EEPD1: variants seen among roughly 807,000 people sequenced by gnomAD.
EEPD1 encodes endonuclease/exonuclease/phosphatase family domain containing 1.
EEPD1 carries 17 observed loss-of-function variants against 46.3 expected under a neutral mutation model. That is an observed-to-expected ratio of 0.37 (90% CI 0.25 to 0.55). The LOEUF is 0.55. Ranked by LOEUF, EEPD1 falls within the 20% of genes least tolerant of loss-of-function variation. The pLI, the probability that EEPD1 is intolerant of heterozygous loss-of-function variation, is 0.83. For synonymous variants in EEPD1, 313 were observed against 315.6 expected (o/e 0.99, Z 0.09); for missense variants, 673 against 745.6 (o/e 0.90, Z 1.13).
chr7:36,204,628 G>A (rs1358746100), intron 2 of EEPD1, among the ~76,000 whole-genome samples: 2 of 152,128 alleles, frequency 1.3e-5, no homozygotes, highest in Non-Finnish European at 1.5e-5. Context: ...GACAGATGAG[G>A]AGGATCCCAG....
At chr7:36,157,369 A>G (rs1784842347) in intron 2 of EEPD1, among the ~76,000 whole-genome samples, 1 of 152,206 alleles carries the variant, frequency 6.6e-6, no homozygotes, top group South Asian at 2.1e-4. Flanking sequence ...AGGGTAGAGA[A>G]TAGGAGAGTG....
At chr7:36,291,654 C>T (rs1360132974) in intron 6 of EEPD1, among the ~76,000 whole-genome samples, 3 of 152,182 alleles carry the variant, frequency 2.0e-5, no homozygotes, top group Non-Finnish European at 2.9e-5. Context: ...GCACATGCGC[C>T]CTCTGGTGGT....
intron 3 of EEPD1, 30 bp downstream of exon 3, chr7:36,239,066 A>G (rs1583827485): frequency 6.2e-7 from 1 of 1,608,590 alleles, no homozygotes. Flanking sequence ...TTCCACATTC[A>G]CAAACCAAGA....
chr7:36,275,018 A>G (rs2115858170), intron 3 of EEPD1, among the ~76,000 whole-genome samples: 1 of 152,334 alleles, frequency 6.6e-6, no homozygotes, highest in Middle Eastern at 3.4e-3. Context: ...TCATCCACCA[A>G]AATAGATTGC....
intron 2 of EEPD1, among the ~76,000 whole-genome samples, chr7:36,177,221 A>G (rs1785196418): frequency 1.4e-5 from 2 of 143,010 alleles, no homozygotes; most frequent in South Asian, 2.4e-4. Context: ...TGTGCTTTAA[A>G]TGACATCTTA....
chr7:36,253,918 C>T (rs560725792), intron 3 of EEPD1, among the ~76,000 whole-genome samples: 4 of 152,096 alleles, frequency 2.6e-5, no homozygotes, highest in Non-Finnish European at 5.9e-5. Context: ...TTAGTCCATT[C>T]ACATTTAATG....
At position 36,182,403 on chromosome 7, in the gene EEPD1, G is replaced by A. The variant is rs73686968; in HGVS notation, c.878+27201G>A. ...ATGGTGGGGGCACGGGGAGGGCTGG[G>A]ACAGTGTGGGAACCGGATTTCTCAG... On this transcript the variant is annotated intron_variant, in intron 2 of 7. Coordinates refer to ENST00000242108, the MANE Select transcript of EEPD1 (RefSeq NM_030636.3). Among the ~76,000 whole-genome samples, 308 of 152,346 alleles carry A rather than the reference G, an allele frequency of 2.0e-3. 2 individuals carry two copies. Among genetic ancestry groups the A allele is most frequent in the African/African-American group, 7.0e-3 (293 of 41,574 alleles).
chr7:36,221,067 C>G (rs1399889649), intron 2 of EEPD1, among the ~76,000 whole-genome samples: 2 of 152,190 alleles, frequency 1.3e-5, no homozygotes, highest in East Asian at 3.9e-4. Flanking sequence ...CCTCAGCGTC[C>G]CAAAGTGTTT....
chr7:36,234,401 G>A (rs747186402), intron 2 of EEPD1, among the ~76,000 whole-genome samples: 11 of 152,166 alleles, frequency 7.2e-5, no homozygotes, highest in Non-Finnish European at 1.5e-4. Context: ...ACCAGATGTG[G>A]TGGCTCACAC....
chr7:36,167,439 C>T (rs1304074912), intron 2 of EEPD1, among the ~76,000 whole-genome samples: 3 of 152,142 alleles, frequency 2.0e-5, no homozygotes, highest in Non-Finnish European at 4.4e-5. Flanking sequence ...AGGGGAATGG[C>T]TTTCTTGTCG....
At position 36,153,287 on chromosome 7, in the gene EEPD1, CCGTGCGGCT is replaced by C. The variant is rs902351723; in HGVS notation, c.-579_-571del. ...CTTTGACACCGACTGCGAGCGGGAG[CCGTGCGGCT>C]GGTGCTGGGTCTGGACTGGCTCTGG... On this transcript the variant is annotated 5_prime_UTR_variant, in exon 1 of 8. Transcript: ENST00000242108. The C allele has an allele frequency of 1.3e-5, 2 of 152,426 alleles. No homozygotes were observed. Among genetic ancestry groups the C allele is most frequent in the African/African-American group, 4.8e-5 (2 of 41,434 alleles). 9.4% of individuals were successfully genotyped at this position (152,426 alleles called of 1,614,324 possible).
intron 2 of EEPD1, among the ~76,000 whole-genome samples, chr7:36,172,620 T>G (rs1034114863): frequency 1.3e-3 from 88 of 67,856 alleles, no homozygotes; most frequent in African/African-American, 5.2e-3. Context: ...ATTATGAGTT[T>G]TTTTTTTTTT....
chr7:36,199,866 G>A (rs1028068275), intron 2 of EEPD1, among the ~76,000 whole-genome samples: 5 of 152,138 alleles, frequency 3.3e-5, no homozygotes, highest in East Asian at 1.9e-4. Context: ...ATGGACTGTC[G>A]TGAGCTCCCC....
chr7:36,197,647 G>A (rs562812921), intron 2 of EEPD1, among the ~76,000 whole-genome samples: 1 of 152,236 alleles, frequency 6.6e-6, no homozygotes, highest in Admixed American at 6.5e-5. Flanking sequence ...CATGTGCTGT[G>A]TCCACTCAGG....
intron 2 of EEPD1, among the ~76,000 whole-genome samples, chr7:36,172,776 T>C (rs2115632910): frequency 6.7e-6 from 1 of 149,602 alleles, no homozygotes; most frequent in East Asian, 2.0e-4. Context: ...AGTCAGTGTT[T>C]CTGTGAGTTG....
At chr7:36,244,873 A>T (rs1302518204) in intron 3 of EEPD1, among the ~76,000 whole-genome samples, 1 of 146,724 alleles carries the variant, frequency 6.8e-6, no homozygotes, top group Non-Finnish European at 1.5e-5. Context: ...CCTGAGTTCG[A>T]GCAATTCTCC....
At chr7:36,156,298 C>T (rs1158411154) in intron 2 of EEPD1, among the ~76,000 whole-genome samples, 1 of 152,168 alleles carries the variant, frequency 6.6e-6, no homozygotes, top group Non-Finnish European at 1.5e-5. Flanking sequence ...TTCCTTGGCA[C>T]TGACCCAGTG....
intron 2 of EEPD1, among the ~76,000 whole-genome samples, chr7:36,183,875 G>GTTTTTTTTT (rs35033256): frequency 1.9e-5 from 1 of 51,890 alleles, no homozygotes; most frequent in Non-Finnish European, 6.4e-5. Flanking sequence ...CCTAGCCCTC[G>GTTTTTTTTT]TTTTTTTTTT....
intron 2 of EEPD1, among the ~76,000 whole-genome samples, chr7:36,224,524 C>T (rs1786199238): frequency 6.6e-6 from 1 of 152,112 alleles, no homozygotes; most frequent in Non-Finnish European, 1.5e-5. Flanking sequence ...TTTGAAAAAC[C>T]ATCTACAGCA....
Sources: gnomAD v4.1 joint callset for allele counts (sites outside exome capture counted in the v4.1 genomes callset) on GRCh38, gnomAD v4.1.1 for gene constraint, MANE v1.5 for transcripts, NCBI Gene and HGNC (gene_info 2026-07-23, HGNC 2026-07-21) for gene names.